Variants in PIP5K1B observed in about 807,000 individuals in gnomAD.
PIP5K1B encodes the protein phosphatidylinositol 4-phosphate 5-kinase type-1 beta.
In PIP5K1B, 42 loss-of-function variants were observed where a neutral mutation model predicts 67.0. That is an observed-to-expected ratio of 0.63 (90% CI 0.49 to 0.81). The LOEUF (loss-of-function observed/expected upper bound fraction) is 0.81. Among genes scored for constraint, PIP5K1B ranks in the 30% least tolerant of loss-of-function variants. The pLI, the probability that PIP5K1B is intolerant of heterozygous loss-of-function variation, is 0.00. For missense variants in PIP5K1B, 459 were observed against 646.3 expected, an observed-to-expected ratio of 0.71 and a Z score of 3.14; for synonymous variants, 214 against 231.4, an observed-to-expected ratio of 0.92 and a Z score of 0.68.
intron 8 of PIP5K1B, among the ~76,000 whole-genome samples, chr9:68,903,909 A>C (rs2132452411): frequency 6.6e-6 from 1 of 152,320 alleles, no homozygotes; most frequent in Admixed American, 6.5e-5. Flanking sequence ...AATACATAAT[A>C]CTTTATTGCA....
chr9:68,894,428 G>A lies in PIP5K1B; in HGVS notation c.561G>A (p.Val187=), dbSNP rs760562072. 1.5e-5 allele frequency: 24 copies of A among 1,613,906 alleles called. No homozygotes were observed. The highest frequency in any genetic ancestry group is 3.3e-4 in the Middle Eastern group (2 of 6,084). Residue 187 remains valine, a synonymous_variant, in exon 8 of 16, where the codon GTG becomes GTA. Transcript: ENST00000265382. ...GAGGCATTAATATCAGGATTGTGGT[G>A]ATGAACAACGTTTTGCCACGCTCCA... is the stretch of plus-strand genomic sequence containing the variant. ...QSGGINIRIV[V]MNNVLPRSMR...
chr9:68,945,689 C>T (rs537300079), intron 14 of PIP5K1B, among the ~76,000 whole-genome samples: 16 of 152,274 alleles, frequency 1.1e-4, no homozygotes, highest in African/African-American at 2.4e-4. Context: ...ATTATATTTA[C>T]GGTCTCCATC....
At chr9:68,721,238 G>A (rs979400349) in intron 1 of PIP5K1B, among the ~76,000 whole-genome samples, 2 of 152,156 alleles carry the variant, frequency 1.3e-5, no homozygotes, top group Non-Finnish European at 2.9e-5. Flanking sequence ...ATGGCAACAT[G>A]AGCAATAGTT....
At chr9:68,825,587 A>G (rs143826750) in intron 4 of PIP5K1B, among the ~76,000 whole-genome samples, 2 of 152,330 alleles carry the variant, frequency 1.3e-5, no homozygotes, top group African/African-American at 4.8e-5. Context: ...ATCATAAGGT[A>G]TGCACAGATT....
intron 2 of PIP5K1B, among the ~76,000 whole-genome samples, chr9:68,778,112 C>CTG (rs376850441): frequency 1.3e-5 from 2 of 152,044 alleles, no homozygotes; most frequent in Non-Finnish European, 2.9e-5. Context: ...GAAATTCTCT[C>CTG]TTTAATCCAT....
At chr9:68,922,460 C>CAAAAAAAAATAAAAAA in intron 11 of PIP5K1B, among the ~76,000 whole-genome samples, 1 of 128,312 alleles carries the variant, frequency 7.8e-6, no homozygotes, top group African/African-American at 2.9e-5. Context: ...GACTCTGTCT[C>CAAAAAAAAATAAAAAA]AAAAAAAAAG....
At chr9:68,750,384 A>G (rs1432851555) in intron 2 of PIP5K1B, among the ~76,000 whole-genome samples, 4 of 152,238 alleles carry the variant, frequency 2.6e-5, no homozygotes, top group Non-Finnish European at 5.9e-5. Context: ...ACAACAAGCA[A>G]AACCCTTCCA....
intron 15 of PIP5K1B, among the ~76,000 whole-genome samples, chr9:69,003,781 C>T (rs1328136536): frequency 1.3e-5 from 2 of 152,160 alleles, no homozygotes; most frequent in Non-Finnish European, 2.9e-5. Context: ...TCATGCCCTT[C>T]CTGTGGCTCT....
At chr9:68,920,803 T>TACACACACACACACACACACACAC (rs59573461) in intron 11 of PIP5K1B, among the ~76,000 whole-genome samples, 1 of 141,430 alleles carries the variant, frequency 7.1e-6, no homozygotes. Context: ...TACACACACA[T>TACACACACACACACACACACACAC]ACACACACAC....
intron 12 of PIP5K1B, among the ~76,000 whole-genome samples, chr9:68,925,854 G>A (rs576582083): frequency 3.9e-5 from 5 of 128,736 alleles, no homozygotes; most frequent in African/African-American, 1.5e-4. Context: ...CTGCAGTGCA[G>A]TGGCGTGATT....
intron 2 of PIP5K1B, among the ~76,000 whole-genome samples, chr9:68,748,541 C>T (rs1015786237): frequency 6.6e-6 from 1 of 151,658 alleles, no homozygotes; most frequent in Non-Finnish European, 1.5e-5. Context: ...ACAGACAGTG[C>T]TTAGAATACG....
At chr9:68,716,613 G>C (rs1467198098) in intron 1 of PIP5K1B, among the ~76,000 whole-genome samples, 1 of 152,168 alleles carries the variant, frequency 6.6e-6, no homozygotes, top group Non-Finnish European at 1.5e-5. Flanking sequence ...AGAAAAGGGA[G>C]CGCTTATGCA....
intron 4 of PIP5K1B, among the ~76,000 whole-genome samples, chr9:68,856,254 C>A (rs1822776109): frequency 6.6e-6 from 1 of 152,212 alleles, no homozygotes; most frequent in South Asian, 2.1e-4. Flanking sequence ...CCGAACCTTA[C>A]TGCTTCTCTA....
intron 14 of PIP5K1B, among the ~76,000 whole-genome samples, chr9:68,979,623 C>T (rs1318655448): frequency 7.2e-6 from 1 of 138,014 alleles, no homozygotes; most frequent in African/African-American, 2.7e-5. Flanking sequence ...AGCTCAGTCA[C>T]TGCCAGTTCT....
chr9:68,952,780 G>GCTTTT (rs1325311544), intron 14 of PIP5K1B, among the ~76,000 whole-genome samples: 1 of 151,708 alleles, frequency 6.6e-6, no homozygotes, highest in Non-Finnish European at 1.5e-5. Context: ...TAAATGGCTT[G>GCTTTT]CTTTCTTTGC....
At chr9:68,759,053 T>C (rs1320173509) in intron 2 of PIP5K1B, among the ~76,000 whole-genome samples, 2 of 152,092 alleles carry the variant, frequency 1.3e-5, no homozygotes, top group African/African-American at 4.8e-5. Context: ...AGAGAATTCA[T>C]TGCCAGTAGT....
At chr9:69,002,078 G>T (rs1178278173) in intron 15 of PIP5K1B, among the ~76,000 whole-genome samples, 1 of 152,216 alleles carries the variant, frequency 6.6e-6, no homozygotes, top group Non-Finnish European at 1.5e-5. Context: ...GCTTAGTGTG[G>T]GATGCTTTAA....
intron 2 of PIP5K1B, among the ~76,000 whole-genome samples, chr9:68,754,804 A>T (rs1829841461): frequency 6.6e-6 from 1 of 152,032 alleles, no homozygotes; most frequent in African/African-American, 2.4e-5. Flanking sequence ...TTTTTTTCTG[A>T]TTTTAAAGAG....
At position 68,761,503 on chromosome 9, in the gene PIP5K1B, A is replaced by T. The variant is rs573307989; in HGVS notation, c.-86+18846A>T. On this transcript the variant is annotated intron_variant, in intron 2 of 15. Transcript: ENST00000265382. ...TGGCTTAAAACAATGCAAATGTATT[A>T]TCTCATAGTTCTGGAAGTGAGAAGG... Among the ~76,000 whole-genome samples, 22 of 152,274 alleles carry T rather than the reference A, an allele frequency of 1.4e-4. No individual in the cohort carries two copies. In the South Asian group the frequency reaches 4.6e-3, roughly 32 times the overall value.
Sources: allele counts gnomAD v4.1 joint callset (sites outside exome capture counted in the v4.1 genomes callset), GRCh38; gene constraint gnomAD v4.1.1; transcripts MANE v1.5; gene names NCBI Gene and HGNC (gene_info 2026-07-23, HGNC 2026-07-21).